The following DIAPH1 variants were observed in gnomAD, a reference collection of about 807,000 sequenced individuals.
DIAPH1 encodes the protein protein diaphanous homolog 1.
A neutral mutation model predicts 140.7 loss-of-function variants in DIAPH1; 46 were observed. The ratio of observed to expected loss-of-function variants is 0.33; its 90% CI spans 0.26 to 0.42. The LOEUF (loss-of-function observed/expected upper bound fraction) is 0.42. Ranked by LOEUF, DIAPH1 falls within the 10% of genes least tolerant of loss-of-function variation. The probability of loss-of-function intolerance (pLI) is 1.00; values close to 1 mark genes in which losing one functional copy is unlikely to be tolerated. For synonymous variants in DIAPH1, 565 were observed against 551.6 expected (o/e 1.02, Z -0.34); for missense variants, 1,310 against 1,558.7 (o/e 0.84, Z 2.69).
intron 1 of DIAPH1, among the ~76,000 whole-genome samples, chr5:141,588,672 G>A (rs1214119964): frequency 2.0e-5 from 3 of 152,158 alleles, no homozygotes; most frequent in East Asian, 1.9e-4. Context: ...AACTCTTGGT[G>A]GTACTATAGA....
At chr5:141,574,823 A>T in intron 15 of DIAPH1, 144 bp downstream of exon 15, 1 of 856,100 alleles carries the variant, frequency 1.2e-6, no homozygotes, top group Non-Finnish European at 1.9e-6. Flanking sequence ...AAAAACCAGT[A>T]TATTATTTTT....
Position 141,526,052 on chromosome 5 carries a change from A to G in DIAPH1, c.3560T>C (p.Ile1187Thr), listed in dbSNP as rs778647295. Residue 1187 changes from isoleucine to threonine, a missense_variant, in exon 26 of 28, where the codon ATA becomes ACA. Transcript: ENST00000389054. ...TCACTCCTCACCTGCATTCATGTCT[A>G]TGAGTTGCTCTCTCTTCTGCTGCTT... ...LEKQQKREQL[I>T]DMNAEGDETG... The G allele has an allele frequency of 1.9e-6, 3 of 1,613,940 alleles. No individual in the cohort carries two copies. Among genetic ancestry groups the G allele is most frequent in the Non-Finnish European group, 2.5e-6 (3 of 1,180,030 alleles).
chr5:141,573,232 C>G (rs186524398), intron 16 of DIAPH1, among the ~76,000 whole-genome samples: 1 of 151,786 alleles, frequency 6.6e-6, no homozygotes, highest in Non-Finnish European at 1.5e-5. Flanking sequence ...GTCAGGAGAT[C>G]GAGACCATCC....
At chr5:141,533,168 T>C (rs972682026) in intron 19 of DIAPH1, among the ~76,000 whole-genome samples, 3 of 152,236 alleles carry the variant, frequency 2.0e-5, no homozygotes, top group Non-Finnish European at 4.4e-5. Flanking sequence ...CACAAGACTA[T>C]GAGTGGGTTT....
At chr5:141,556,984 C>G (rs577168544) in intron 18 of DIAPH1, among the ~76,000 whole-genome samples, 1 of 152,050 alleles carries the variant, frequency 6.6e-6, no homozygotes, top group African/African-American at 2.4e-5. Flanking sequence ...CGTGAGTCAC[C>G]GCGCCTGGCA....
chr5:141,580,733 C>T lies in DIAPH1; in HGVS notation c.824+11G>A, dbSNP rs1218456502. On this transcript the variant is annotated intron_variant, in intron 8 of 27. Transcript: ENST00000389054. Reference sequence around the variant, plus strand: ...TGAAAATGGAGAAGAAAAATTATTCCAGTCACATACATGTCCTCTGGCTGC... The same window carrying T: ...TGAAAATGGAGAAGAAAAATTATTCTAGTCACATACATGTCCTCTGGCTGC... The T allele has an allele frequency of 1.2e-6, 2 of 1,613,312 alleles. No homozygotes were observed. Among genetic ancestry groups the T allele is most frequent in the South Asian group, 1.1e-5 (1 of 91,052 alleles).
At chr5:141,596,454 C>T (rs1013501641) in intron 1 of DIAPH1, among the ~76,000 whole-genome samples, 2 of 151,986 alleles carry the variant, frequency 1.3e-5, no homozygotes, top group African/African-American at 2.4e-5. Flanking sequence ...GCTGAGATCA[C>T]ATTGCTGACA....
intron 18 of DIAPH1, among the ~76,000 whole-genome samples, chr5:141,562,727 A>C (rs1217375043): frequency 6.6e-6 from 1 of 152,142 alleles, no homozygotes; most frequent in African/African-American, 2.4e-5. Context: ...CTACAACCTT[A>C]TGTTTGGAGG....
At position 141,618,967 on chromosome 5, in the gene DIAPH1, A is replaced by T. The variant is rs1596422646; in HGVS notation, c.-53T>A. The T allele has an allele frequency of 9.4e-7, 1 of 1,062,774 alleles. No individual in the cohort carries two copies. Among genetic ancestry groups the T allele is most frequent in the African/African-American group, 1.7e-5 (1 of 59,138 alleles). The allele number at this position is 1,062,774 out of a possible 1,614,324, so 65.8% of individuals were successfully genotyped here. On this transcript the variant is annotated 5_prime_UTR_variant, in exon 1 of 28. Transcript: ENST00000389054. ...CGCGCCTACGCCGCTCCCGCCTGGC[A>T]GCTCCGCGCCCGCCGCCGCCCAGTC...
At chr5:141,546,534 T>C (rs1198564089) in intron 18 of DIAPH1, among the ~76,000 whole-genome samples, 1 of 151,852 alleles carries the variant, frequency 6.6e-6, no homozygotes, top group Non-Finnish European at 1.5e-5. Context: ...CAGGTGCCTG[T>C]AATCCCAGCT....
intron 18 of DIAPH1, among the ~76,000 whole-genome samples, chr5:141,566,502 G>A (rs1277425665): frequency 1.3e-5 from 2 of 152,154 alleles, no homozygotes; most frequent in African/African-American, 4.8e-5. Context: ...TTTCCTTTTA[G>A]TAAAGAGGCA....
At chr5:141,544,789 T>C (rs1411119145) in intron 18 of DIAPH1, among the ~76,000 whole-genome samples, 2 of 152,216 alleles carry the variant, frequency 1.3e-5, no homozygotes, top group South Asian at 2.1e-4. Context: ...ACATTGCTAG[T>C]GGAAATGAAA....
Position 141,582,158 on chromosome 5 carries a change from C to A in DIAPH1, c.684+154G>T. 5.0e-6 allele frequency: 3 copies of A among 595,618 alleles called. No individual in the cohort carries two copies. The South Asian group carries it at 5.5e-5, about 11-fold the overall frequency. 36.9% of individuals were successfully genotyped at this position (595,618 alleles called of 1,614,324 possible). On this transcript the variant is annotated intron_variant, in intron 7 of 27. Transcript: ENST00000389054. Reference sequence around the variant, plus strand: ...ACTGAGAAAAAAATATCCACAGAAGCATGTATATGTGGCAATGAAAAACAG... The same window carrying A: ...ACTGAGAAAAAAATATCCACAGAAGAATGTATATGTGGCAATGAAAAACAG...
intron 1 of DIAPH1, among the ~76,000 whole-genome samples, chr5:141,616,545 G>A (rs1425331335): frequency 6.6e-6 from 1 of 152,038 alleles, no homozygotes. Context: ...ACCCACCCAC[G>A]TATACATACA....
intron 21 of DIAPH1, 105 bp downstream of exon 21, chr5:141,529,067 G>A (rs2099887827): frequency 6.4e-7 from 1 of 1,566,800 alleles, no homozygotes; most frequent in African/African-American, 1.4e-5. Context: ...ATTAAGACAG[G>A]TTCAAAAACA....
chr5:141,527,769 A>G (rs2099887604), intron 23 of DIAPH1, 72 bp from the exon 24 acceptor site: 2 of 1,485,596 alleles, frequency 1.3e-6, no homozygotes, highest in Non-Finnish European at 1.8e-6. Flanking sequence ...CAGCCTCAAC[A>G]CCCCTTAGTT....
chr5:141,544,824 A>G (rs1475775606), intron 18 of DIAPH1, among the ~76,000 whole-genome samples: 1 of 152,226 alleles, frequency 6.6e-6, no homozygotes, highest in African/African-American at 2.4e-5. Flanking sequence ...TTTGGAAAAC[A>G]GTTTGGCAGT....
In DIAPH1 at chr5:141,516,014, T is replaced by G. The variant is rs2099885630; in HGVS notation, c.*837A>C. The G allele has an allele frequency of 3.9e-5, 6 of 152,262 alleles. No homozygotes were observed. Among genetic ancestry groups the G allele is most frequent in the Admixed American group, 3.9e-4 (6 of 15,282 alleles). 9.4% of individuals were successfully genotyped at this position (152,262 alleles called of 1,614,324 possible). ...TCCTTGTAGACAGAGGGTGAGGTGT[T>G]GGGATGGTCACAGTACAACCCATAG... On this transcript the variant is annotated 3_prime_UTR_variant, in exon 28 of 28. Transcript: ENST00000389054.
At chr5:141,587,813 T>C (rs1445797742) in intron 2 of DIAPH1, among the ~76,000 whole-genome samples, 3 of 152,240 alleles carry the variant, frequency 2.0e-5, no homozygotes, top group African/African-American at 7.2e-5. Context: ...CAGGGGTATA[T>C]ATGCCATCTC....
Sources: allele counts gnomAD v4.1 joint callset (sites outside exome capture counted in the v4.1 genomes callset), GRCh38; gene constraint gnomAD v4.1.1; transcripts MANE v1.5; gene names NCBI Gene and HGNC (gene_info 2026-07-23, HGNC 2026-07-21).